The following NBEA variants were observed in gnomAD, a reference collection of about 807,000 sequenced individuals.
NBEA encodes lysosomal-trafficking regulator 2.
NBEA carries 44 observed loss-of-function variants against 343.4 expected under a neutral mutation model. The observed-to-expected ratio is 0.13, with a 90% CI of 0.10 to 0.16. The LOEUF (loss-of-function observed/expected upper bound fraction) is 0.16. NBEA is among the 10% of genes least tolerant of loss of function. The probability of loss-of-function intolerance (pLI) is 1.00; values close to 1 mark genes in which losing one functional copy is unlikely to be tolerated. For missense variants in NBEA, 2,555 were observed against 3,631.3 expected (o/e 0.70, Z 7.62); for synonymous variants, 1,175 against 1,238.7 (o/e 0.95, Z 1.08).
intron 45 of NBEA, among the ~76,000 whole-genome samples, chr13:35,580,448 AGAT>A (rs575796478): frequency 1.5e-3 from 230 of 152,320 alleles, no homozygotes; most frequent in African/African-American, 5.2e-3. Flanking sequence ...TGCCAAAATC[AGAT>A]GATATTGACA....
chr13:35,156,162 A>G lies in NBEA; in HGVS notation c.2607A>G (p.Leu869=). 1 of 1,590,164 alleles carries G rather than the reference A, an allele frequency of 6.3e-7. No individual in the cohort carries two copies. The highest frequency in any genetic ancestry group is 1.2e-5 in the South Asian group (1 of 86,634). Residue 869 remains leucine (L), a synonymous_variant, in exon 20 of 59, where the codon TTA becomes TTG. Transcript: ENST00000379939. ...TGATGGAAGTTCGTCGTTTATTTTT[A>G]TCTGATATGATAAAACTTTTCAGTA... ...AELMEVRRLF[L]SDMIKLFSNS... is the part of the protein sequence containing the mutation.
At chr13:35,646,734 G>A (rs774463889) in intron 51 of NBEA, among the ~76,000 whole-genome samples, 4 of 152,116 alleles carry the variant, frequency 2.6e-5, no homozygotes, top group Non-Finnish European at 2.9e-5. Context: ...ATACAGTAGG[G>A]GAAGTAGTTC....
chr13:35,029,307 T>C (rs562399299), intron 1 of NBEA, among the ~76,000 whole-genome samples: 1 of 151,646 alleles, frequency 6.6e-6, no homozygotes, highest in East Asian at 1.9e-4. Context: ...AGAAAAACCA[T>C]CTTTGTGGGT....
At position 35,045,064 on chromosome 13, in the gene NBEA, G is replaced by C; in HGVS notation, c.627+17G>C. ...GGAATCTGGGTAAGCTGTGGTCGGA[G>C]GGAAAGGTATTCAGTATCAGTCCAT... is the stretch of plus-strand genomic sequence containing the variant. On this transcript the variant is annotated intron_variant, in intron 3 of 58. Transcript: ENST00000379939. The C allele has an allele frequency of 6.3e-7, 1 of 1,586,998 alleles. No homozygotes were observed. Among genetic ancestry groups the C allele is most frequent in the Non-Finnish European group, 8.6e-7 (1 of 1,162,398 alleles).
intron 46 of NBEA, among the ~76,000 whole-genome samples, chr13:35,590,187 A>C (rs527516710): frequency 2.0e-5 from 3 of 152,122 alleles, no homozygotes; most frequent in African/African-American, 7.2e-5. Context: ...AAGGCTCTGC[A>C]TTGTGGCTTG....
intron 35 of NBEA, among the ~76,000 whole-genome samples, chr13:35,304,257 CA>C (rs1255339307): frequency 6.6e-6 from 1 of 152,080 alleles, no homozygotes; most frequent in Non-Finnish European, 1.5e-5. Context: ...GAGTTGAACA[CA>C]AATACAGGTC....
At chr13:35,383,165 A>G (rs2042090951) in intron 38 of NBEA, among the ~76,000 whole-genome samples, 1 of 152,160 alleles carries the variant, frequency 6.6e-6, no homozygotes, top group African/African-American at 2.4e-5. Flanking sequence ...GTGGAGGTAA[A>G]TCATCAAAAC....
intron 34 of NBEA, among the ~76,000 whole-genome samples, chr13:35,256,836 A>G (rs2032661164): frequency 6.6e-6 from 1 of 152,182 alleles, no homozygotes; most frequent in Non-Finnish European, 1.5e-5. Context: ...GGGAGCAAAC[A>G]CTTTCAAGCC....
chr13:35,469,594 C>T (rs143765635), intron 40 of NBEA, among the ~76,000 whole-genome samples: 3,570 of 152,166 alleles, frequency 0.023, 75 homozygotes, highest in Non-Finnish European at 0.03. Flanking sequence ...TTTGTCTTAT[C>T]CATTTGTTTA....
At chr13:35,321,519 G>A (rs1341715575) in intron 36 of NBEA, among the ~76,000 whole-genome samples, 2 of 152,092 alleles carry the variant, frequency 1.3e-5, no homozygotes, top group Non-Finnish European at 2.9e-5. Flanking sequence ...TCCTGTATGA[G>A]GTGTCTCTTG....
At chr13:35,499,252 G>T (rs1036329102) in intron 41 of NBEA, among the ~76,000 whole-genome samples, 1 of 152,088 alleles carries the variant, frequency 6.6e-6, no homozygotes. Flanking sequence ...GACTCCCATA[G>T]TGAATGAATG....
intron 6 of NBEA, among the ~76,000 whole-genome samples, chr13:35,051,264 T>C (rs948165347): frequency 3.3e-5 from 5 of 152,012 alleles, no homozygotes; most frequent in Non-Finnish European, 7.4e-5. Context: ...TAGGGCACAC[T>C]GCCTCCTCCT....
intron 38 of NBEA, among the ~76,000 whole-genome samples, chr13:35,388,601 A>G (rs2042358880): frequency 6.6e-6 from 1 of 152,186 alleles, no homozygotes; most frequent in African/African-American, 2.4e-5. Context: ...TTAGTTAAGT[A>G]ATGTTATTTA....
At chr13:35,659,285 G>A (rs940597189) in intron 55 of NBEA, among the ~76,000 whole-genome samples, 1 of 152,098 alleles carries the variant, frequency 6.6e-6, no homozygotes, top group African/African-American at 2.4e-5. Context: ...GTGTGTCACC[G>A]AGGCCAAATC....
chr13:35,147,087 T>TA (rs1463001592), intron 18 of NBEA, among the ~76,000 whole-genome samples: 1 of 152,208 alleles, frequency 6.6e-6, no homozygotes, highest in Non-Finnish European at 1.5e-5. Context: ...GGCTTGGTGT[T>TA]ACATTTTTTC....
At chr13:35,458,814 C>T (rs537203336) in intron 40 of NBEA, among the ~76,000 whole-genome samples, 3 of 152,148 alleles carry the variant, frequency 2.0e-5, no homozygotes, top group South Asian at 2.1e-4. Flanking sequence ...ACCGCACCTA[C>T]TGTTACTGTA....
intron 56 of NBEA, among the ~76,000 whole-genome samples, chr13:35,666,427 AG>A (rs2085357349): frequency 6.7e-6 from 1 of 149,404 alleles, no homozygotes; most frequent in Non-Finnish European, 1.5e-5. Flanking sequence ...AAAAAAAAAA[AG>A]GAAAATAAGT....
chr13:35,301,043 T>C (rs1358873607), intron 35 of NBEA, among the ~76,000 whole-genome samples: 1 of 151,814 alleles, frequency 6.6e-6, no homozygotes, highest in Non-Finnish European at 1.5e-5. Flanking sequence ...TAACATTTTC[T>C]GAGGAGGAAA....
chr13:35,391,129 G>T (rs1381790977), intron 38 of NBEA, among the ~76,000 whole-genome samples: 11 of 152,024 alleles, frequency 7.2e-5, no homozygotes, highest in African/African-American at 2.7e-4. Flanking sequence ...ATAAAAATTT[G>T]CTGGGCTTGA....
Sources: allele counts gnomAD v4.1 joint callset (sites outside exome capture counted in the v4.1 genomes callset), GRCh38; gene constraint gnomAD v4.1.1; transcripts MANE v1.5; gene names NCBI Gene and HGNC (gene_info 2026-07-23, HGNC 2026-07-21).